Variants in CHAF1A observed in about 807,000 individuals in gnomAD.
CHAF1A encodes the protein chromatin assembly factor 1 subunit A, also known as CAF-1 subunit A.
CHAF1A carries 5 observed loss-of-function variants against 93.2 expected under a neutral mutation model. That is an observed-to-expected ratio of 0.05 (90% CI 0.03 to 0.11). The LOEUF is 0.11. CHAF1A is among the 10% of genes least tolerant of loss of function. The pLI is 1.00. For missense variants in CHAF1A, 1,102 were observed against 1,259.9 expected, an observed-to-expected ratio of 0.87 and a Z score of 1.90; for synonymous variants, 504 against 510.3, an observed-to-expected ratio of 0.99 and a Z score of 0.17.
Position 4,409,766 on chromosome 19 carries a change from A to G in CHAF1A, c.960+7A>G. 2 of 1,600,926 alleles carry G rather than the reference A, an allele frequency of 1.2e-6. No homozygotes were observed. Among genetic ancestry groups the G allele is most frequent in the Non-Finnish European group, 1.7e-6 (2 of 1,171,440 alleles). On this transcript the variant is annotated splice_region_variant and intron_variant, in intron 3 of 14. Coordinates refer to ENST00000301280, the MANE Select transcript of CHAF1A (RefSeq NM_005483.3). ...CTCCACGCCCCTCCGCAGAGTGAGT[A>G]TCTCCCATGGAGTCCCTGCACATCA...
chr19:4,420,673 G>A (rs562555415), intron 4 of CHAF1A, among the ~76,000 whole-genome samples: 27 of 152,340 alleles, frequency 1.8e-4, no homozygotes, highest in African/African-American at 6.5e-4. Context: ...TGGGCGTAGT[G>A]GCTCGCCCCC....
At position 4,432,039 on chromosome 19, in the gene CHAF1A, C is replaced by T. The variant is rs1974192345; in HGVS notation, c.2035C>T (p.Arg679Cys). ...GTTCCTGGCTAAGGGGAAGCGCTTTCGCGTCCTGCAACCTGTGAAGATCGG... is the reference window on the plus strand; with the variant it reads ...GTTCCTGGCTAAGGGGAAGCGCTTTTGCGTCCTGCAACCTGTGAAGATCGG... ...DEFLAKGKRF[R>C]VLQPVKIGCV... Residue 679 changes from arginine to cysteine, a missense_variant, in exon 12 of 15, where the codon CGC becomes TGC. By Grantham distance (180) the Arg-to-Cys change is radical (BLOSUM62 -3). Around this residue, in one of 6 missense-constraint regions of CHAF1A, gnomAD observed 335 missense variants for 361.9 expected, o/e 0.93. Transcript: ENST00000301280. The T allele has an allele frequency of 6.2e-6, 10 of 1,614,014 alleles. No individual in the cohort carries two copies. The highest frequency in any genetic ancestry group is 2.7e-5 in the African/African-American group (2 of 74,916).
At chr19:4,428,321 G>A (rs1367780042) in intron 7 of CHAF1A, among the ~76,000 whole-genome samples, 2 of 132,568 alleles carry the variant, frequency 1.5e-5, no homozygotes, top group African/African-American at 2.8e-5. Flanking sequence ...AGTGAGGTTT[G>A]TTGAGATATA....
At chr19:4,447,105 T>C (rs1599674429), downstream of CHAF1A, 1 of 620,640 alleles carries the variant, frequency 1.6e-6, no homozygotes, top group Non-Finnish European at 2.8e-6. Context: ...GGCTGTGGAG[T>C]CTCCAACAGC....
At chr19:4,448,430 G>T, downstream of CHAF1A, 1 of 1,593,442 alleles carries the variant, frequency 6.3e-7, no homozygotes, top group East Asian at 2.3e-5. Context: ...GAGGAGGGAA[G>T]CAGGGAAAGC....
rs11406470 is a variant in CHAF1A, at chr19:4,419,029, A to ATTT, written c.1017+975_1017+977dup. Among the ~76,000 whole-genome samples the ATTT allele has an allele frequency of 2.9e-3, 283 of 96,432 alleles. 4 individuals carry two copies. Among genetic ancestry groups the ATTT allele is most frequent in the South Asian group, 5.5e-3 (15 of 2,710 alleles). 63.3% of individuals were successfully genotyped at this position (96,432 alleles called of 152,430 possible). ...AGGCACTTGCTGCCATAGCCAGCTA[A>ATTT]TTTTTTTTTTTTTTTTTTTTTTTTG... On this transcript the variant is annotated intron_variant, in intron 4 of 14. Coordinates refer to ENST00000301280, the MANE Select transcript of CHAF1A (RefSeq NM_005483.3).
At chr19:4,425,910 G>T (rs1258598268) in intron 7 of CHAF1A, among the ~76,000 whole-genome samples, 1 of 152,042 alleles carries the variant, frequency 6.6e-6, no homozygotes, top group Non-Finnish European at 1.5e-5. Flanking sequence ...TTTTAACTTT[G>T]CCAGTCTGAT....
chr19:4,402,654 G>A lies in CHAF1A; in HGVS notation c.-109G>A. On this transcript the variant is annotated 5_prime_UTR_variant, in exon 1 of 15. Coordinates refer to ENST00000301280, the MANE Select transcript of CHAF1A (RefSeq NM_005483.3). Reference sequence around the variant, plus strand: ...GCGGTTCCCGCCAAATACGAGCGCGGCGGCCGCGGCGGCAGCAGCGGCGCG... The same window carrying A: ...GCGGTTCCCGCCAAATACGAGCGCGACGGCCGCGGCGGCAGCAGCGGCGCG... 2 of 689,130 alleles carry A rather than the reference G, an allele frequency of 2.9e-6. No individual in the cohort carries two copies. The highest frequency in any genetic ancestry group is 3.9e-6 in the Non-Finnish European group (2 of 513,156). 42.7% of individuals were successfully genotyped at this position (689,130 alleles called of 1,614,324 possible).
At chr19:4,415,912 G>A (rs1455118133) in intron 3 of CHAF1A, among the ~76,000 whole-genome samples, 1 of 152,110 alleles carries the variant, frequency 6.6e-6, no homozygotes, top group Non-Finnish European at 1.5e-5. Flanking sequence ...GGTGGCTCAC[G>A]CCTTTAATCC....
chr19:4,410,189 A>G (rs1004262879), intron 3 of CHAF1A, among the ~76,000 whole-genome samples: 3 of 152,016 alleles, frequency 2.0e-5, no homozygotes, highest in Non-Finnish European at 4.4e-5. Flanking sequence ...AGTGGCAGTG[A>G]GACGGCAGGA....
chr19:4,430,934 T>G (rs1974171272), intron 11 of CHAF1A: 3 of 408,768 alleles, frequency 7.3e-6, no homozygotes. Context: ...CCACCCGAGC[T>G]GACATACAGT....
intron 3 of CHAF1A, among the ~76,000 whole-genome samples, chr19:4,415,577 C>A (rs1323688189): frequency 6.6e-6 from 1 of 152,184 alleles, no homozygotes; most frequent in Non-Finnish European, 1.5e-5. Flanking sequence ...ACAGCCTTGG[C>A]AGGCAGAGTA....
chr19:4,437,144 G>A (rs1314613878), intron 13 of CHAF1A, among the ~76,000 whole-genome samples: 2 of 151,716 alleles, frequency 1.3e-5, no homozygotes, highest in Non-Finnish European at 2.9e-5. Context: ...GACGCACGAA[G>A]GTCACACGTG....
In CHAF1A at chr19:4,425,130, C is replaced by T. The variant is rs560862057; in HGVS notation, c.1377+1256C>T. 7.2e-5 allele frequency among the ~76,000 whole-genome samples: 11 copies of T among 152,270 alleles called. No individual in the cohort carries two copies. The South Asian group carries it at 1.9e-3, about 26-fold the overall frequency. Reference sequence around the variant, plus strand: ...ATGGCAATTGTGTATCCTGAAGGTGCACAATGTGACATTGTTGTACCTACA... The same window carrying T: ...ATGGCAATTGTGTATCCTGAAGGTGTACAATGTGACATTGTTGTACCTACA... On this transcript the variant is annotated intron_variant, in intron 7 of 14. Transcript: ENST00000301280.
At chr19:4,439,232 G>C (rs1323036207) in intron 13 of CHAF1A, among the ~76,000 whole-genome samples, 1 of 151,242 alleles carries the variant, frequency 6.6e-6, no homozygotes, top group Admixed American at 6.6e-5. Flanking sequence ...GTTGAGCCGA[G>C]ATTGTGCCAC....
At chr19:4,438,415 C>G (rs754680286) in intron 13 of CHAF1A, among the ~76,000 whole-genome samples, 4 of 151,958 alleles carry the variant, frequency 2.6e-5, no homozygotes, top group Non-Finnish European at 5.9e-5. Context: ...CCAGGCTGGT[C>G]TTTGAACTTG....
downstream of CHAF1A, chr19:4,446,174 G>A (rs886620982): frequency 1.2e-6 from 2 of 1,608,674 alleles, no homozygotes; most frequent in African/African-American, 2.7e-5. Context: ...ACCGCCCCCA[G>A]CCGCTCCCGA....
At chr19:4,445,152 C>G (rs149240636), downstream of CHAF1A, 3 of 274,234 alleles carry the variant, frequency 1.1e-5, no homozygotes, top group African/African-American at 2.2e-5. Context: ...CCACGGCACA[C>G]GGGAACAGGA....
At chr19:4,415,802 A>G (rs1973887261) in intron 3 of CHAF1A, among the ~76,000 whole-genome samples, 1 of 152,112 alleles carries the variant, frequency 6.6e-6, no homozygotes, top group Non-Finnish European at 1.5e-5. Flanking sequence ...CCAGGTGGAA[A>G]GGCTGTCTTG....
Sources: allele counts gnomAD v4.1 joint callset (sites outside exome capture counted in the v4.1 genomes callset), GRCh38; gene constraint gnomAD v4.1.1; regional missense constraint gnomAD v4.1.1; transcripts MANE v1.5; gene names NCBI Gene and HGNC (gene_info 2026-07-23, HGNC 2026-07-21).